The following USP34 variants were observed in gnomAD, a reference collection of about 807,000 sequenced individuals.
USP34 encodes ubiquitin carboxyl-terminal hydrolase 34.
Under a neutral mutation model 460.3 loss-of-function variants are expected in USP34, and 70 were observed. The observed-to-expected ratio is 0.15, with a 90% CI of 0.13 to 0.19. USP34 has a LOEUF of 0.19. Among genes scored for constraint, USP34 ranks in the 10% least tolerant of loss-of-function variants. The pLI, the probability that USP34 is intolerant of heterozygous loss-of-function variation, is 1.00. For missense variants in USP34, 3,985 were observed against 4,236.2 expected (o/e 0.94, Z 1.65); for synonymous variants, 1,647 against 1,405.3 (o/e 1.17, Z -3.85).
chr2:61,249,006 T>C (rs887253500), intron 48 of USP34, among the ~76,000 whole-genome samples: 1 of 152,244 alleles, frequency 6.6e-6, no homozygotes, highest in Non-Finnish European at 1.5e-5. Context: ...ATTTCACAGA[T>C]TTTAGCAACC....
chr2:61,273,271 T>G (rs923809803), intron 41 of USP34, among the ~76,000 whole-genome samples: 1 of 152,206 alleles, frequency 6.6e-6, no homozygotes, highest in Non-Finnish European at 1.5e-5. Flanking sequence ...TTGAGTATCA[T>G]AAAGTTAATT....
intron 35 of USP34, 112 bp downstream of exon 35, chr2:61,284,763 T>C: frequency 5.1e-6 from 4 of 784,960 alleles, no homozygotes; most frequent in Non-Finnish European, 7.7e-6. Context: ...AGAGATTTCA[T>C]CATAATATCC....
intron 2 of USP34, among the ~76,000 whole-genome samples, chr2:61,416,394 A>C (rs1239927247): frequency 6.6e-6 from 1 of 152,214 alleles, no homozygotes; most frequent in African/African-American, 2.4e-5. Flanking sequence ...CTGACAGAGA[A>C]CCTCACCCTG....
intron 15 of USP34, among the ~76,000 whole-genome samples, chr2:61,344,398 AC>A (rs1407052928): frequency 2.0e-5 from 3 of 152,248 alleles, no homozygotes; most frequent in Non-Finnish European, 2.9e-5. Flanking sequence ...AACCAAAAAA[AC>A]ATTTCAATTT....
intron 67 of USP34, among the ~76,000 whole-genome samples, chr2:61,219,465 G>A (rs965921352): frequency 2.6e-5 from 4 of 152,270 alleles, no homozygotes; most frequent in East Asian, 1.9e-4. Context: ...GAGGTCAGGA[G>A]ATCAAGACCA....
intron 1 of USP34, among the ~76,000 whole-genome samples, chr2:61,460,299 C>T (rs1307386051): frequency 6.6e-6 from 1 of 152,062 alleles, no homozygotes; most frequent in Admixed American, 6.6e-5. Flanking sequence ...TGTGCCGTCC[C>T]GTCTAGGATG....
rs747798160 is a variant in USP34 at position 61,188,977 on chromosome 2, T to G, written c.9966A>C (p.Lys3322Asn). The change falls in exon 79 of 80, where the codon AAA becomes AAC. Residue 3322 changes from lysine to asparagine, a missense_variant. Physicochemically the swap from Lys to Asn is moderately conservative, Grantham distance 94. Around this residue, in one of 14 missense-constraint regions of USP34, gnomAD observed 506 missense variants for 439.0 expected, o/e 1.15. Coordinates refer to ENST00000398571, the MANE Select transcript of USP34 (RefSeq NM_014709.4). ...TTCTCTGTTGCAGACAAGTCCTGCA[T>G]TTGCTTAAAAGCTCTTGCAGAGTTG... Reference protein sequence around the residue: ...LIPTLQELLSKCRTCLQQRNS... With the variant: ...LIPTLQELLSNCRTCLQQRNS... 6.2e-7 allele frequency: 1 copy of G among 1,614,196 alleles called. No individual in the cohort carries two copies.
intron 44 of USP34, 121 bp from the exon 45 acceptor site, chr2:61,257,471 T>C: frequency 1.4e-6 from 1 of 699,326 alleles, no homozygotes; most frequent in East Asian, 3.2e-5. Context: ...TAGTTTTAAA[T>C]GGTTGCTTCT....
chr2:61,303,411 G>C (rs1434311900), intron 27 of USP34, among the ~76,000 whole-genome samples: 2 of 151,980 alleles, frequency 1.3e-5, no homozygotes, highest in African/African-American at 4.8e-5. Flanking sequence ...ACTTGATTTA[G>C]TGTCCTATTC....
Position 61,295,017 on chromosome 2 carries a change from G to C in USP34, c.4393C>G (p.Leu1465Val), listed in dbSNP as rs1689982211. 6.2e-7 allele frequency: 1 copy of C among 1,612,176 alleles called. No individual in the cohort carries two copies. Among genetic ancestry groups the C allele is most frequent in the Non-Finnish European group, 8.5e-7 (1 of 1,179,488 alleles). Reference protein sequence around the residue: ...RRESTGSYSDLYPDSDDSSED... With the variant: ...RRESTGSYSDVYPDSDDSSED... ...CTTGAATCATCTGAATCTGGATAAA[G>C]ATCACTGTAACTTCCCTATGAGAAA... Residue 1465 changes from leucine to valine, a missense_variant, in exon 32 of 80, where the codon CTT becomes GTT. Leu to Val is a conservative substitution (Grantham distance 32). Coordinates refer to ENST00000398571, the MANE Select transcript of USP34 (RefSeq NM_014709.4).
At chr2:61,355,108 T>C (rs1692064647) in intron 10 of USP34, among the ~76,000 whole-genome samples, 1 of 152,182 alleles carries the variant, frequency 6.6e-6, no homozygotes, top group Non-Finnish European at 1.5e-5. Flanking sequence ...AGCACGAATA[T>C]GCATTAGTAA....
intron 33 of USP34, among the ~76,000 whole-genome samples, chr2:61,289,375 T>C (rs1440787398): frequency 6.6e-6 from 1 of 152,148 alleles, no homozygotes; most frequent in African/African-American, 2.4e-5. Flanking sequence ...GCACTTTCCA[T>C]AACCACATTA....
At chr2:61,334,396 A>G (rs181781380) in intron 18 of USP34, among the ~76,000 whole-genome samples, 7 of 152,246 alleles carry the variant, frequency 4.6e-5, no homozygotes, top group African/African-American at 1.7e-4. Context: ...AGAAAGGGGA[A>G]AGGAAATTAC....
At position 61,235,909 on chromosome 2, in the gene USP34, G is replaced by C. The variant is rs201343724; in HGVS notation, c.6968C>G (p.Pro2323Arg). Reference sequence around the variant, plus strand: ...CAGTTCAATCCACTGAAGCATCGTGGGCTAGAAAAGAAAAGTCAGTCAAAG... The same window carrying C: ...CAGTTCAATCCACTGAAGCATCGTGCGCTAGAAAAGAAAAGTCAGTCAAAG... Reference protein sequence around the residue: ...LETFIHSKEKPTMLQWIELLT... With the variant: ...LETFIHSKEKRTMLQWIELLT... The change falls in exon 57 of 80, where the codon CCC (proline) becomes CGC (arginine). Residue 2323 changes from proline to arginine, a missense_variant and splice_region_variant. Transcript: ENST00000398571. The C allele has an allele frequency of 6.4e-5, 103 of 1,611,720 alleles. No individual in the cohort carries two copies. Among genetic ancestry groups the C allele is most frequent in the Non-Finnish European group, 8.3e-5 (98 of 1,179,502 alleles).
intron 1 of USP34, among the ~76,000 whole-genome samples, chr2:61,467,814 G>A (rs1377692195): frequency 1.3e-5 from 2 of 151,506 alleles, no homozygotes; most frequent in Admixed American, 1.3e-4. Context: ...GTAGAGATGG[G>A]GTTTCACCAT....
intron 3 of USP34, among the ~76,000 whole-genome samples, chr2:61,396,403 C>G (rs968609678): frequency 6.6e-6 from 1 of 152,040 alleles, no homozygotes; most frequent in Non-Finnish European, 1.5e-5. Context: ...GGAAAATATA[C>G]GCATAACGAT....
intron 8 of USP34, among the ~76,000 whole-genome samples, chr2:61,371,499 T>C (rs2103839603): frequency 6.8e-6 from 1 of 146,328 alleles, no homozygotes; most frequent in East Asian, 2.0e-4. Context: ...AAAGAAAAAA[T>C]ACTTTTGTAC....
chr2:61,459,016 A>G (rs1695518881), intron 1 of USP34, among the ~76,000 whole-genome samples: 1 of 152,128 alleles, frequency 6.6e-6, no homozygotes, highest in Non-Finnish European at 1.5e-5. Context: ...CAGTGAGCCG[A>G]GACTGCGCCA....
intron 75 of USP34, among the ~76,000 whole-genome samples, chr2:61,199,019 C>T (rs1686891441): frequency 6.6e-6 from 1 of 152,170 alleles, no homozygotes; most frequent in Admixed American, 6.5e-5. Flanking sequence ...TATATATTGG[C>T]AGTGTTGGCT....
Sources: allele counts gnomAD v4.1 joint callset (sites outside exome capture counted in the v4.1 genomes callset), GRCh38; gene constraint gnomAD v4.1.1; regional missense constraint gnomAD v4.1.1; transcripts MANE v1.5; gene names NCBI Gene and HGNC (gene_info 2026-07-23, HGNC 2026-07-21).